Variants in CEP76 observed in about 807,000 individuals in gnomAD.
CEP76 encodes the protein centrosomal protein of 76 kDa.
CEP76 carries 55 observed loss-of-function variants against 83.3 expected under a neutral mutation model. The ratio of observed to expected loss-of-function variants is 0.66; its 90% CI spans 0.53 to 0.83. The LOEUF is 0.83. CEP76 is among the 40% of genes least tolerant of loss of function. CEP76 has a pLI of 0.00. For synonymous variants in CEP76, 270 were observed against 274.5 expected (o/e 0.98, Z 0.16); for missense variants, 694 against 799.5 (o/e 0.87, Z 1.59).
downstream of CEP76, among the ~76,000 whole-genome samples, chr18:12,671,350 G>A (rs1179958688): frequency 6.6e-6 from 1 of 152,034 alleles, no homozygotes; most frequent in Non-Finnish European, 1.5e-5. Flanking sequence ...AACTTGGATA[G>A]CCAACTGGTA....
In CEP76 at chr18:12,674,572, T is replaced by A. The variant is rs1287506719; in HGVS notation, c.1805A>T (p.Tyr602Phe). 6.2e-7 allele frequency: 1 copy of A among 1,614,082 alleles called. No individual in the cohort carries two copies. Among genetic ancestry groups the A allele is most frequent in the Non-Finnish European group, 8.5e-7 (1 of 1,179,976 alleles). The part of the protein sequence containing the change: ...TFKGFPIHFV[Y>F]RNARRAFATC... ...GGCAAATGCACGTCTTGCATTTCTA[T>A]ACACAAAATGTATTGGGAACCCTTT... Residue 602 changes from tyrosine (Y) to phenylalanine (F), a missense_variant, in exon 11 of 12, where the codon TAT (tyrosine) becomes TTT (phenylalanine). Physicochemically the swap from Tyr to Phe is conservative, Grantham distance 22 (BLOSUM62 3). Transcript: ENST00000262127.
chr18:12,662,199 A>C (rs774097082), intron 12 of CEP76: 8 of 446,800 alleles, frequency 1.8e-5, no homozygotes, highest in South Asian at 1.3e-4. Context: ...AGGAAAAAAA[A>C]AAAACAGCAT....
At chr18:12,676,279 CTT>C (rs1157897766) in intron 10 of CEP76, among the ~76,000 whole-genome samples, 50 of 106,414 alleles carry the variant, frequency 4.7e-4, no homozygotes, top group African/African-American at 1.4e-3. Context: ...ACAGTAATTC[CTT>C]TTTTTTTTTT....
rs1294719698 is a variant in CEP76 at position 12,678,451 on chromosome 18, AT to A, written c.1290-10del. 2.6e-6 allele frequency: 4 copies of A among 1,546,356 alleles called. No individual in the cohort carries two copies. The South Asian group carries it at 4.9e-5, about 19-fold the overall frequency. The stretch of plus-strand genomic sequence containing the variant: ...TAGGTTTATGGATGTACCTAAAAAA[AT>A]TAAATAATTTTATATATGAGAACTT... On this transcript the variant is annotated splice_polypyrimidine_tract_variant and intron_variant, in intron 9 of 11. Transcript: ENST00000262127.
intron 10 of CEP76, among the ~76,000 whole-genome samples, chr18:12,675,547 A>G (rs886400106): frequency 2.6e-5 from 4 of 152,254 alleles, no homozygotes; most frequent in Non-Finnish European, 4.4e-5. Context: ...TTTACTGAAC[A>G]TGTACTCTAT....
At chr18:12,665,690 T>G (rs2038787541) in intron 12 of CEP76, among the ~76,000 whole-genome samples, 1 of 152,214 alleles carries the variant, frequency 6.6e-6, no homozygotes, top group Non-Finnish European at 1.5e-5. Flanking sequence ...ACAAACTTCT[T>G]AAAAATTTTT....
chr18:12,699,198 T>C lies in CEP76; in HGVS notation c.301A>G (p.Ile101Val). 1.2e-6 allele frequency: 2 copies of C among 1,608,520 alleles called. No individual in the cohort carries two copies. The highest frequency in any genetic ancestry group is 1.7e-6 in the Non-Finnish European group (2 of 1,175,272). Residue 101 changes from isoleucine to valine, a missense_variant, in exon 4 of 12, where the codon ATT becomes GTT. Coordinates refer to ENST00000262127, the MANE Select transcript of CEP76 (RefSeq NM_024899.4). The stretch of plus-strand genomic sequence containing the variant: ...TAAAGATACCTCCGTGTTGGATCAA[T>C]ATTAGCTGTAAAGTGTAGCAATATA... ...DRQSTLKKTN[I>V]DPTRRYLYLQ...
intron 6 of CEP76, 124 bp from the exon 7 acceptor site, chr18:12,691,611 A>G (rs12960997): frequency 0.41 from 258,995 of 630,960 alleles, 55,361 homozygotes; most frequent in Non-Finnish European, 0.45. Context: ...ATCATCTTCT[A>G]TAAGAGCCTC....
At position 12,683,320 on chromosome 18, in the gene CEP76, C is replaced by G. The variant is rs538729149; in HGVS notation, c.1123-2492G>C. ...TGAGTCGAGATCGTGACACTGCACT[C>G]CAGCCTGGGCGACAGAGCGAGACCC... On this transcript the variant is annotated intron_variant, in intron 8 of 11. Transcript: ENST00000262127. Among the ~76,000 whole-genome samples, 4 of 151,382 alleles carry G rather than the reference C, an allele frequency of 2.6e-5. No individual in the cohort carries two copies. In the South Asian group the frequency reaches 8.4e-4, roughly 32 times the overall value.
chr18:12,692,174 G>A (rs2039787763), intron 6 of CEP76: 1 of 151,952 alleles, frequency 6.6e-6, no homozygotes, highest in Non-Finnish European at 1.5e-5. Context: ...AAACTAGCTG[G>A]GGATGGTGGT....
chr18:12,675,610 A>G (rs1226451779), intron 10 of CEP76, among the ~76,000 whole-genome samples: 1 of 152,144 alleles, frequency 6.6e-6, no homozygotes, highest in Non-Finnish European at 1.5e-5. Flanking sequence ...ATAGGCCCTT[A>G]GGGAGCTTAA....
Position 12,702,648 on chromosome 18 carries a change from A to C in CEP76, c.-100T>G. The C allele has an allele frequency of 3.0e-6, 4 of 1,340,466 alleles. No homozygotes were observed. The highest frequency in any genetic ancestry group is 4.0e-6 in the Non-Finnish European group (4 of 992,504). The allele number at this position is 1,340,466 out of a possible 1,614,324, so 83.0% of individuals were successfully genotyped here. ...GAGCGTTAGGAGCGACTGGAGCACA[A>C]AGCGCCGCAGCCGTTCGCCTAGCGC... On this transcript the variant is annotated 5_prime_UTR_variant, in exon 1 of 12. Transcript: ENST00000262127.
intron 8 of CEP76, among the ~76,000 whole-genome samples, chr18:12,682,431 C>T (rs983796971): frequency 6.6e-6 from 1 of 152,100 alleles, no homozygotes; most frequent in Admixed American, 6.6e-5. Flanking sequence ...TCAAGCAATC[C>T]GCTTGCCTCA....
Position 12,674,636 on chromosome 18 carries a change from C to G in CEP76, c.1741G>C (p.Asp581His). Residue 581 changes from aspartate to histidine, a missense_variant, in exon 11 of 12, where the codon GAT (aspartate) becomes CAT (histidine). Transcript: ENST00000262127. ...SISAGNEEFQ[D>H]AIRRAVPDGH... ...TCAGGTACAGCCCTTCTTATGGCAT[C>G]TTGAAATTCTTCATTGCCTGCTGAT... 6.2e-7 allele frequency: 1 copy of G among 1,613,904 alleles called. No individual in the cohort carries two copies. Among genetic ancestry groups the G allele is most frequent in the Non-Finnish European group, 8.5e-7 (1 of 1,179,862 alleles).
chr18:12,687,625 G>A (rs1466723800), intron 7 of CEP76, among the ~76,000 whole-genome samples: 1 of 151,444 alleles, frequency 6.6e-6, no homozygotes, highest in Non-Finnish European at 1.5e-5. Context: ...GCTAATTTTT[G>A]TATTTTTGTA....
chr18:12,683,931 G>A (rs1489882452), intron 8 of CEP76, among the ~76,000 whole-genome samples: 1 of 151,138 alleles, frequency 6.6e-6, no homozygotes, highest in Non-Finnish European at 1.5e-5. Context: ...TAGAATTATA[G>A]GTAAAGTTTC....
intron 7 of CEP76, among the ~76,000 whole-genome samples, chr18:12,690,867 T>C (rs552156983): frequency 3.0e-4 from 45 of 152,234 alleles, no homozygotes; most frequent in Admixed American, 2.6e-3. Context: ...ACATTACTGG[T>C]CACTGGCTTA....
intron 8 of CEP76, among the ~76,000 whole-genome samples, chr18:12,682,673 G>A (rs1408072279): frequency 6.6e-6 from 1 of 151,892 alleles, no homozygotes; most frequent in Non-Finnish European, 1.5e-5. Context: ...CTGTCACCCA[G>A]GCTGGAATGC....
chr18:12,685,227 T>G (rs1451225166), intron 8 of CEP76: 1 of 151,530 alleles, frequency 6.6e-6, no homozygotes, highest in Non-Finnish European at 1.5e-5. Context: ...CTTGAACTCC[T>G]GACCTCAGGT....
Sources: gnomAD v4.1 joint callset for allele counts (sites outside exome capture counted in the v4.1 genomes callset) on GRCh38, gnomAD v4.1.1 for gene constraint, MANE v1.5 for transcripts, NCBI Gene and HGNC (gene_info 2026-07-23, HGNC 2026-07-21) for gene names.